Variants in PINK1 observed in about 807,000 individuals in gnomAD.
PINK1 encodes the protein PTEN induced kinase 1, also known as serine/threonine-protein kinase PINK1, mitochondrial.
In PINK1, 58 loss-of-function variants were observed where a neutral mutation model predicts 56.0. The observed-to-expected ratio is 1.04, with a 90% CI of 0.84 to 1.29. PINK1 has a LOEUF of 1.29. PINK1 is among the 50% of genes most tolerant of loss of function. The probability of loss-of-function intolerance (pLI) is 0.00; values close to 1 mark genes in which losing one functional copy is unlikely to be tolerated. For missense variants in PINK1, 745 were observed against 777.9 expected (o/e 0.96, Z 0.50); for synonymous variants, 354 against 339.3 (o/e 1.04, Z -0.48).
Position 20,637,829 on chromosome 1 carries a change from T to C in PINK1, c.388-13T>C. 2 of 1,613,728 alleles carry C rather than the reference T, an allele frequency of 1.2e-6. No individual in the cohort carries two copies. ...GGCTCCCTGGCTCACGGTGCATTCT[T>C]TTCTCATCACAGGCAATTTTTACCC... is the stretch of plus-strand genomic sequence containing the variant. On this transcript the variant is annotated splice_polypyrimidine_tract_variant and intron_variant, in intron 1 of 7. Transcript: ENST00000321556.
rs571370580 is a variant in PINK1 at position 20,648,880 on chromosome 1, A to G, written c.1252-115A>G. On this transcript the variant is annotated intron_variant, in intron 6 of 7. Transcript: ENST00000321556. The stretch of plus-strand genomic sequence containing the variant: ...CTGGGTCTGAGCCACAGCTCACTCA[A>G]GCTCTGGGTTCCTTGGGACAGAGTT... 1.7e-4 allele frequency: 230 copies of G among 1,338,144 alleles called. 1 individual carries two copies. The African/African-American group carries it at 3.0e-3, about 18-fold the overall frequency. The allele number at this position is 1,338,144 out of a possible 1,614,324, so 82.9% of individuals were successfully genotyped here. A position where few individuals can be genotyped will look rare whatever the true frequency, so the allele number is the denominator to read the frequency against.
chr1:20,637,737 C>A, intron 1 of PINK1, 105 bp from the exon 2 acceptor site: 2 of 1,334,408 alleles, frequency 1.5e-6, no homozygotes, highest in South Asian at 1.2e-5. Context: ...TTGATCTGGT[C>A]GACGTGGACC....
intron 3 of PINK1, among the ~76,000 whole-genome samples, chr1:20,640,397 T>A (rs57153102): frequency 9.9e-5 from 15 of 151,662 alleles, no homozygotes; most frequent in Middle Eastern, 3.4e-3. Context: ...CAAGAGATTT[T>A]AAAAAAAACA....
At chr1:20,637,493 A>C (rs2053068181) in intron 1 of PINK1, among the ~76,000 whole-genome samples, 1 of 152,214 alleles carries the variant, frequency 6.6e-6, no homozygotes, top group Admixed American at 6.5e-5. Flanking sequence ...AGGTCTTTGC[A>C]GAGCGAGCTG....
chr1:20,646,098 C>A (rs1055796633), intron 5 of PINK1, among the ~76,000 whole-genome samples: 1 of 151,848 alleles, frequency 6.6e-6, no homozygotes. Flanking sequence ...AGAGTGAGAT[C>A]CCTTCTCTAC....
chr1:20,639,324 C>A lies in PINK1; in HGVS notation c.676-568C>A, dbSNP rs761498777. On this transcript the variant is annotated intron_variant, in intron 2 of 7. Transcript: ENST00000321556. ...ACAGCTGTTGCATTCACAGCAGCTA[C>A]AAGATTGTTGATTCTTACCAGATCT... 4.4e-4 allele frequency: 78 copies of A among 177,856 alleles called. 1 individual carries two copies. The highest frequency in any genetic ancestry group is 7.7e-4 in the Non-Finnish European group (63 of 81,444). 11.0% of individuals were successfully genotyped at this position (177,856 alleles called of 1,614,324 possible).
intron 2 of PINK1, 176 bp from the exon 3 acceptor site, chr1:20,639,716 C>T (rs2053095980): frequency 2.9e-6 from 2 of 680,530 alleles, no homozygotes; most frequent in Non-Finnish European, 5.4e-6. Context: ...GTACCTCTGT[C>T]TGCCTCCCAG....
chr1:20,633,855 G>A lies in PINK1; in HGVS notation c.307G>A (p.Ala103Thr), dbSNP rs890987834. 21 of 1,578,214 alleles carry A rather than the reference G, an allele frequency of 1.3e-5. No individual in the cohort carries two copies. Among genetic ancestry groups the A allele is most frequent in the East Asian group, 2.3e-5 (1 of 43,228 alleles). ...AGPCGRAVFLAFGLGLGLIEE... is the reference protein window; with the variant it reads ...AGPCGRAVFLTFGLGLGLIEE... The stretch of plus-strand genomic sequence containing the variant: ...CCCTTGCGGCCGGGCAGTCTTTCTG[G>A]CCTTCGGGCTAGGGCTGGGCCTCAT... The change falls in exon 1 of 8, where the codon GCC (alanine) becomes ACC (threonine). Residue 103 changes from alanine (A) to threonine (T), a missense_variant. Ala to Thr is a moderately conservative substitution (Grantham distance 58). Coordinates refer to ENST00000321556, the MANE Select transcript of PINK1 (RefSeq NM_032409.3).
chr1:20,633,744 C>A lies in PINK1; in HGVS notation c.196C>A (p.Arg66Ser). ...PRRVGLGLPN[R>S]LRFFRQSVAG... ...CAGGGTCGGGCTCGGGCTCCCTAACCGTCTCCGCTTCTTCCGCCAGTCGGT... is the reference window on the plus strand; with the variant it reads ...CAGGGTCGGGCTCGGGCTCCCTAACAGTCTCCGCTTCTTCCGCCAGTCGGT... The change falls in exon 1 of 8, where the codon CGT becomes AGT. Residue 66 changes from arginine to serine, a missense_variant. Transcript: ENST00000321556. The A allele has an allele frequency of 6.5e-7, 1 of 1,541,588 alleles. No homozygotes were observed. The highest frequency in any genetic ancestry group is 8.7e-7 in the Non-Finnish European group (1 of 1,149,536).
chr1:20,633,900 A>G lies in PINK1; in HGVS notation c.352A>G (p.Ser118Gly). 1.9e-6 allele frequency: 3 copies of G among 1,583,202 alleles called. No individual in the cohort carries two copies. Among genetic ancestry groups the G allele is most frequent in the Non-Finnish European group, 2.6e-6 (3 of 1,167,368 alleles). The change falls in exon 1 of 8, where the codon AGC (serine) becomes GGC (glycine). Residue 118 changes from serine (S) to glycine (G), a missense_variant. By Grantham distance (56) the Ser-to-Gly change is moderately conservative. Coordinates refer to ENST00000321556, the MANE Select transcript of PINK1 (RefSeq NM_032409.3). The part of the protein sequence containing the change: ...LGLIEEKQAE[S>G]RRAVSACQEI... ...CCTCATCGAGGAAAAACAGGCGGAG[A>G]GCCGGCGGGCGGTCTCGGCCTGTCA... is the stretch of plus-strand genomic sequence containing the variant.
chr1:20,645,621 A>G lies in PINK1; in HGVS notation c.1021A>G (p.Met341Val), dbSNP rs759620550. 7 of 1,613,798 alleles carry G rather than the reference A, an allele frequency of 4.3e-6. No individual in the cohort carries two copies. The highest frequency in any genetic ancestry group is 1.1e-5 in the South Asian group (1 of 91,074). Residue 341 changes from methionine to valine, a missense_variant, in exon 5 of 8, where the codon ATG becomes GTG. Met to Val is a conservative substitution (Grantham distance 21). Coordinates refer to ENST00000321556, the MANE Select transcript of PINK1 (RefSeq NM_032409.3). ...VNTPSPRLAAMMLLQLLEGVD... is the reference protein window; with the variant it reads ...VNTPSPRLAAVMLLQLLEGVD... ...CACACCCAGCCCCCGCCTCGCCGCC[A>G]TGATGCTGCTGCAGCTGCTGGAAGG...
In PINK1 at chr1:20,633,869, GC is replaced by G. The variant is rs1557559393; in HGVS notation, c.322del (p.Leu108TrpfsTer50). 2 of 1,579,672 alleles carry G rather than the reference GC, an allele frequency of 1.3e-6. No individual in the cohort carries two copies. The highest frequency in any genetic ancestry group is 1.7e-6 in the Non-Finnish European group (2 of 1,165,152). ...CAGTCTTTCTGGCCTTCGGGCTAGG[GC>G]TGGGCCTCATCGAGGAAAAACAGGC... ...RAVFLAFGLG[L>X]GLIEEKQAES... On this transcript the variant is annotated frameshift_variant, in exon 1 of 8. Transcript: ENST00000321556. LOFTEE classifies it high-confidence loss of function.
chr1:20,645,228 C>A (rs1165089463), intron 4 of PINK1, among the ~76,000 whole-genome samples: 2 of 152,134 alleles, frequency 1.3e-5, no homozygotes, highest in Admixed American at 1.3e-4. Flanking sequence ...GTGGCTGACG[C>A]CTGTAATCCC....
chr1:20,646,624 CAG>C (rs1467107872), intron 5 of PINK1, among the ~76,000 whole-genome samples: 1 of 148,190 alleles, frequency 6.7e-6, no homozygotes, highest in Non-Finnish European at 1.5e-5. Context: ...AGCCTGGCGA[CAG>C]AGTGAGAGTC....
At chr1:20,637,250 T>C (rs2053064826) in intron 1 of PINK1, among the ~76,000 whole-genome samples, 1 of 152,226 alleles carries the variant, frequency 6.6e-6, no homozygotes, top group Non-Finnish European at 1.5e-5. Context: ...TCTTTCCCAG[T>C]GCAGCACTGC....
At chr1:20,642,841 T>C (rs1195699755) in intron 3 of PINK1, 7 of 152,106 alleles carry the variant, frequency 4.6e-5, no homozygotes, top group Non-Finnish European at 2.9e-5. Flanking sequence ...CTAATTTTTG[T>C]AGTTTTTGTA....
intron 7 of PINK1, chr1:20,649,980 AG>A (rs2053244780): frequency 4.2e-6 from 1 of 239,658 alleles, no homozygotes. Context: ...CAGCTGGCTC[AG>A]GGGCAGGCTT....
At chr1:20,644,935 T>C (rs954916389) in intron 4 of PINK1, among the ~76,000 whole-genome samples, 3 of 152,250 alleles carry the variant, frequency 2.0e-5, no homozygotes, top group Admixed American at 2.0e-4. Context: ...GTTAACCTTT[T>C]CTGTGGCTGG....
chr1:20,633,942 G>T lies in PINK1; in HGVS notation c.387+7G>T, dbSNP rs944507113. 1.3e-6 allele frequency: 2 copies of T among 1,582,796 alleles called. No individual in the cohort carries two copies. The highest frequency in any genetic ancestry group is 1.7e-6 in the Non-Finnish European group (2 of 1,168,240). On this transcript the variant is annotated splice_region_variant and intron_variant, in intron 1 of 7. Coordinates refer to ENST00000321556, the MANE Select transcript of PINK1 (RefSeq NM_032409.3). ...GGCCTGTCAGGAGATCCAGGTGAGC[G>T]GGGCCGGGTCCTAAGCCGAGCGGAG...
Sources: gnomAD v4.1 joint callset for allele counts (sites outside exome capture counted in the v4.1 genomes callset) on GRCh38, gnomAD v4.1.1 for gene constraint, MANE v1.5 for transcripts, NCBI Gene and HGNC (gene_info 2026-07-23, HGNC 2026-07-21) for gene names.